NSMCE2: variants seen among roughly 807,000 people sequenced by gnomAD.
NSMCE2 encodes NSE2 SUMO ligase component of SMC5/6 complex.
In NSMCE2, 24 loss-of-function variants were observed where a neutral mutation model predicts 23.8. That is an observed-to-expected ratio of 1.01 (90% CI 0.73 to 1.42). The LOEUF (loss-of-function observed/expected upper bound fraction) is 1.42, where lower values mean the gene tolerates loss of function less well. Among genes scored for constraint, NSMCE2 ranks in the 40% most tolerant of loss-of-function variants. The pLI is 0.00. For synonymous variants in NSMCE2, 92 were observed against 94.1 expected, an observed-to-expected ratio of 0.98 and a Z score of 0.13; for missense variants, 284 against 296.5, an observed-to-expected ratio of 0.96 and a Z score of 0.31.
At chr8:125,181,850 T>C (rs1822833377) in intron 4 of NSMCE2, among the ~76,000 whole-genome samples, 2 of 152,130 alleles carry the variant, frequency 1.3e-5, no homozygotes, top group South Asian at 4.1e-4. Context: ...AACAAGTTAG[T>C]AGGATCATTG....
At chr8:125,217,335 TTTTA>T (rs1300941206) in intron 5 of NSMCE2, among the ~76,000 whole-genome samples, 110 of 151,476 alleles carry the variant, frequency 7.3e-4, no homozygotes, top group Middle Eastern at 3.4e-3. Context: ...TTTTAAAAAA[TTTTA>T]TTTATTTATT....
chr8:125,147,386 G>A lies in NSMCE2; in HGVS notation c.158-3785G>A, dbSNP rs565240644. 2.3e-3 allele frequency among the ~76,000 whole-genome samples: 357 copies of A among 152,150 alleles called. 2 individuals carry two copies. Among genetic ancestry groups the A allele is most frequent in the African/African-American group, 8.3e-3 (345 of 41,526 alleles). ...GGAAGAGTTGCTATAATTCTTTGTT[G>A]GATCCTAAGAACACTAAGGCATCAT... On this transcript the variant is annotated intron_variant, in intron 3 of 7. Transcript: ENST00000287437.
At chr8:125,294,843 C>G (rs1828260685) in intron 5 of NSMCE2, among the ~76,000 whole-genome samples, 1 of 152,228 alleles carries the variant, frequency 6.6e-6, no homozygotes, top group Admixed American at 6.5e-5. Flanking sequence ...GTGACATTTA[C>G]TGGATAATCC....
chr8:125,122,711 C>G (rs1387648706), intron 3 of NSMCE2, among the ~76,000 whole-genome samples: 1 of 152,134 alleles, frequency 6.6e-6, no homozygotes, highest in Non-Finnish European at 1.5e-5. Flanking sequence ...ATTCGTCCAT[C>G]TAAACAGCAG....
At chr8:125,197,834 T>G (rs2130849211) in intron 5 of NSMCE2, among the ~76,000 whole-genome samples, 1 of 152,362 alleles carries the variant, frequency 6.6e-6, no homozygotes, top group South Asian at 2.1e-4. Flanking sequence ...TATGAAATGT[T>G]CTTCCATTTG....
chr8:125,268,936 G>T (rs1274539363), intron 5 of NSMCE2, among the ~76,000 whole-genome samples: 3 of 152,126 alleles, frequency 2.0e-5, no homozygotes, highest in Non-Finnish European at 2.9e-5. Flanking sequence ...TTAAAATTTG[G>T]CAGGTATTGG....
intron 3 of NSMCE2, among the ~76,000 whole-genome samples, chr8:125,105,895 G>T (rs1479525981): frequency 6.6e-6 from 1 of 152,050 alleles, no homozygotes; most frequent in African/African-American, 2.4e-5. Flanking sequence ...ACTTGATTTT[G>T]CATTTACCAA....
intron 5 of NSMCE2, among the ~76,000 whole-genome samples, chr8:125,299,659 A>G (rs1427082781): frequency 6.6e-6 from 1 of 152,082 alleles, no homozygotes; most frequent in Non-Finnish European, 1.5e-5. Flanking sequence ...CCTAAGGAAA[A>G]TGTAACAACC....
At position 125,357,201 on chromosome 8, in the gene NSMCE2, C is replaced by T. The variant is rs372016316; in HGVS notation, c.419-18C>T. ...ACGTTAGACCAGAGAGGCTTATCAA[C>T]TCTCCATTTTCCTCTAGGTGGTCTT... On this transcript the variant is annotated intron_variant, in intron 5 of 7. Coordinates refer to ENST00000287437, the MANE Select transcript of NSMCE2 (RefSeq NM_173685.4). The T allele has an allele frequency of 3.9e-5, 59 of 1,500,036 alleles. No homozygotes were observed. Among genetic ancestry groups the T allele is most frequent in the Admixed American group, 2.2e-4 (13 of 59,448 alleles). 92.9% of individuals were successfully genotyped at this position (1,500,036 alleles called of 1,614,324 possible).
chr8:125,170,474 T>G (rs1822141226), intron 4 of NSMCE2, among the ~76,000 whole-genome samples: 1 of 136,258 alleles, frequency 7.3e-6, no homozygotes, highest in Non-Finnish European at 1.5e-5. Context: ...TGGCGCTGTC[T>G]CGGCTCACTG....
At chr8:125,245,292 A>G (rs1001158862) in intron 5 of NSMCE2, among the ~76,000 whole-genome samples, 2 of 152,168 alleles carry the variant, frequency 1.3e-5, no homozygotes, top group African/African-American at 4.8e-5. Context: ...CAATAAATAA[A>G]TAAATAAAGG....
chr8:125,206,892 GAGA>G (rs1824139473), intron 5 of NSMCE2, among the ~76,000 whole-genome samples: 1 of 152,126 alleles, frequency 6.6e-6, no homozygotes, highest in East Asian at 1.9e-4. Flanking sequence ...AGAGCCTAGG[GAGA>G]AGAAGAAGAG....
chr8:125,272,864 T>C (rs4367569), intron 5 of NSMCE2, among the ~76,000 whole-genome samples: 1 of 139,978 alleles, frequency 7.1e-6, no homozygotes, highest in African/African-American at 2.8e-5. Flanking sequence ...CACATATATA[T>C]ACACACGTAT....
At chr8:125,284,550 T>C (rs1827821624) in intron 5 of NSMCE2, among the ~76,000 whole-genome samples, 1 of 152,230 alleles carries the variant, frequency 6.6e-6, no homozygotes, top group Admixed American at 6.5e-5. Flanking sequence ...TTCAGGATTT[T>C]CAGTTCTTTC....
intron 4 of NSMCE2, among the ~76,000 whole-genome samples, chr8:125,172,243 T>G (rs1417580316): frequency 2.0e-5 from 3 of 152,158 alleles, no homozygotes; most frequent in African/African-American, 4.8e-5. Flanking sequence ...AATTAAAGTC[T>G]TACAGGCAAA....
chr8:125,271,522 C>T (rs2131088161), intron 5 of NSMCE2, among the ~76,000 whole-genome samples: 1 of 152,252 alleles, frequency 6.6e-6, no homozygotes, highest in East Asian at 1.9e-4. Context: ...CTTTGGTTAT[C>T]TTGGACATGA....
At chr8:125,309,674 A>C (rs931495797) in intron 5 of NSMCE2, among the ~76,000 whole-genome samples, 1 of 152,152 alleles carries the variant, frequency 6.6e-6, no homozygotes, top group South Asian at 2.1e-4. Context: ...ACAGTGAGCT[A>C]TGATCACGCC....
intron 3 of NSMCE2, among the ~76,000 whole-genome samples, chr8:125,119,569 T>G (rs750993446): frequency 6.6e-6 from 1 of 152,202 alleles, no homozygotes; most frequent in African/African-American, 2.4e-5. Context: ...AGATTAAAAT[T>G]AGACTAGCAC....
intron 5 of NSMCE2, among the ~76,000 whole-genome samples, chr8:125,218,183 C>G (rs186379582): frequency 3.2e-4 from 49 of 152,198 alleles, no homozygotes; most frequent in Non-Finnish European, 5.7e-4. Flanking sequence ...ACTTTAGAAA[C>G]CTGTACTGAG....
Sources: allele counts gnomAD v4.1 joint callset (sites outside exome capture counted in the v4.1 genomes callset), GRCh38; gene constraint gnomAD v4.1.1; transcripts MANE v1.5; gene names NCBI Gene and HGNC (gene_info 2026-07-23, HGNC 2026-07-21).